Variants in IGF2BP2 observed in about 807,000 individuals in gnomAD.
IGF2BP2 encodes the protein insulin-like growth factor 2 mRNA-binding protein 2.
In IGF2BP2, 17 loss-of-function variants were observed where a neutral mutation model predicts 75.8. The ratio of observed to expected loss-of-function variants is 0.22; its 90% confidence interval spans 0.15 to 0.34. The LOEUF (loss-of-function observed/expected upper bound fraction) is 0.34, where lower values mean the gene tolerates loss of function less well. IGF2BP2 is among the 10% of genes least tolerant of loss of function. The pLI is 1.00. For missense variants in IGF2BP2, 516 were observed against 772.4 expected, an observed-to-expected ratio of 0.67 and a Z score of 3.93; for synonymous variants, 288 against 295.6, an observed-to-expected ratio of 0.97 and a Z score of 0.26.
In IGF2BP2 at chr3:185,727,476, T is replaced by C. The variant is rs115666345; in HGVS notation, c.240-29129A>G. On this transcript the variant is annotated intron_variant, in intron 2 of 15. Coordinates refer to ENST00000382199, the MANE Select transcript of IGF2BP2 (RefSeq NM_006548.6). ...GAACAGTAATTGGATTACTCACAGG[T>C]TGAACAGGTGAACAAAAAGGTAGTG... Among the ~76,000 whole-genome samples the C allele has an allele frequency of 4.5e-3, 682 of 152,086 alleles. 4 individuals are homozygous for C. The highest frequency in any genetic ancestry group is 0.016 in the African/African-American group (652 of 41,476).
intron 2 of IGF2BP2, among the ~76,000 whole-genome samples, chr3:185,819,913 A>G (rs1482210631): frequency 6.6e-6 from 1 of 152,060 alleles, no homozygotes; most frequent in Non-Finnish European, 1.5e-5. Flanking sequence ...GCAAAATACA[A>G]TTGAGATACT....
intron 2 of IGF2BP2, among the ~76,000 whole-genome samples, chr3:185,699,349 T>C (rs1208600355): frequency 1.3e-5 from 2 of 152,216 alleles, no homozygotes; most frequent in Admixed American, 6.5e-5. Context: ...GACCCCAAAG[T>C]GTACCTAGGC....
At chr3:185,753,901 T>G (rs1458437189) in intron 2 of IGF2BP2, among the ~76,000 whole-genome samples, 2 of 152,092 alleles carry the variant, frequency 1.3e-5, no homozygotes, top group Non-Finnish European at 1.5e-5. Flanking sequence ...ATGCAAGATC[T>G]GGTTGTTTAA....
At chr3:185,814,137 A>G (rs1222274816) in intron 2 of IGF2BP2, 1 of 152,142 alleles carries the variant, frequency 6.6e-6, no homozygotes, top group Non-Finnish European at 1.5e-5. Context: ...AGATGTACAC[A>G]TGGTTTAGTC....
intron 2 of IGF2BP2, among the ~76,000 whole-genome samples, chr3:185,719,933 A>T (rs1726253215): frequency 6.6e-6 from 1 of 152,202 alleles, no homozygotes; most frequent in Admixed American, 6.5e-5. Flanking sequence ...AAATGAGAAA[A>T]GCAAGCCACA....
chr3:185,771,798 T>TA (rs1485020075), intron 2 of IGF2BP2, among the ~76,000 whole-genome samples: 1 of 152,188 alleles, frequency 6.6e-6, no homozygotes, highest in African/African-American at 2.4e-5. Context: ...TTGCAACACT[T>TA]AGTCTTGGTA....
rs547632878 is a variant in IGF2BP2 at position 185,647,474 on chromosome 3, A to G, written c.1594-336T>C. ...ACCCCAGGCTTTCCCATACCCCCCC[A>G]CTCCCCACCCCTACCCTGTAAGATC... On this transcript the variant is annotated intron_variant, in intron 14 of 15. Transcript: ENST00000382199. The surrounding 1 kb of genome is among the most constrained non-coding windows in gnomAD (Gnocchi z 4.9). 2.7e-4 allele frequency among the ~76,000 whole-genome samples: 37 copies of G among 137,910 alleles called. No individual in the cohort carries two copies. Among genetic ancestry groups the G allele is most frequent in the Admixed American group, 2.0e-3 (28 of 13,764 alleles). The allele number at this position is 137,910 out of a possible 152,430, so 90.5% of individuals were successfully genotyped here.
In IGF2BP2 at chr3:185,645,806, TC is replaced by T. The variant is rs939153352; in HGVS notation, c.1708-184del. Reference sequence around the variant, plus strand: ...TCTGCCTGGAAGTAAGTGGCAGAGGTCCCCCCTCCACTCCCACCCCAAGGTC... The same window carrying T: ...TCTGCCTGGAAGTAAGTGGCAGAGGTCCCCCTCCACTCCCACCCCAAGGTC... On this transcript the variant is annotated intron_variant, in intron 15 of 15. Coordinates refer to ENST00000382199, the MANE Select transcript of IGF2BP2 (RefSeq NM_006548.6). The surrounding 1 kb of genome is among the most constrained non-coding windows in gnomAD (Gnocchi z 4.9). Among the ~76,000 whole-genome samples the T allele has an allele frequency of 2.0e-5, 3 of 150,184 alleles. No individual in the cohort carries two copies. Among genetic ancestry groups the T allele is most frequent in the Non-Finnish European group, 3.0e-5 (2 of 67,516 alleles).
At chr3:185,759,216 T>C (rs1045470687) in intron 2 of IGF2BP2, among the ~76,000 whole-genome samples, 1 of 152,030 alleles carries the variant, frequency 6.6e-6, no homozygotes, top group Non-Finnish European at 1.5e-5. Flanking sequence ...ATGGAGCAAA[T>C]ACAAATGCCC....
At chr3:185,667,959 T>A (rs1460709521) in intron 10 of IGF2BP2, among the ~76,000 whole-genome samples, 1 of 152,242 alleles carries the variant, frequency 6.6e-6, no homozygotes, top group Non-Finnish European at 1.5e-5. Flanking sequence ...TTCTCAGACA[T>A]AATGCTATTG....
intron 10 of IGF2BP2, among the ~76,000 whole-genome samples, chr3:185,659,473 C>A (rs1485713359): frequency 6.6e-6 from 1 of 151,796 alleles, no homozygotes; most frequent in African/African-American, 2.4e-5. Context: ...CCCGCAGGTT[C>A]AAGCGATTCT....
intron 9 of IGF2BP2, among the ~76,000 whole-genome samples, chr3:185,673,183 C>T (rs1159451570): frequency 6.6e-6 from 1 of 152,230 alleles, no homozygotes; most frequent in African/African-American, 2.4e-5. Context: ...TTCCCTAAGA[C>T]AGCACTCATT....
intron 2 of IGF2BP2, among the ~76,000 whole-genome samples, chr3:185,711,187 T>C (rs1364277786): frequency 6.6e-6 from 1 of 152,226 alleles, no homozygotes; most frequent in Non-Finnish European, 1.5e-5. Flanking sequence ...ACTTTAAATA[T>C]GCAAATTTGA....
chr3:185,762,091 GAA>G (rs1402376274), intron 2 of IGF2BP2, among the ~76,000 whole-genome samples: 1 of 152,026 alleles, frequency 6.6e-6, no homozygotes, highest in Non-Finnish European at 1.5e-5. Flanking sequence ...TTTAGCATGT[GAA>G]AAAGAGACCC....
Position 185,677,068 on chromosome 3 carries a change from T to TATAGAGAGAGAGAGAG in IGF2BP2, c.813-1156_813-1155insCTCTCTCTCTCTCTAT. Among the ~76,000 whole-genome samples the TATAGAGAGAGAGAGAG allele has an allele frequency of 7.5e-4, 27 of 35,864 alleles. 1 individual carries two copies. Among genetic ancestry groups the TATAGAGAGAGAGAGAG allele is most frequent in the African/African-American group, 4.1e-3 (26 of 6,398 alleles). 23.5% of individuals were successfully genotyped at this position (35,864 alleles called of 152,430 possible). On this transcript the variant is annotated intron_variant, in intron 7 of 15. Transcript: ENST00000382199. ...AGATATATATATATATATATATATATAGAGAGAGAGAGAGAGAGAGAGAGA... is the reference window on the plus strand; with the variant it reads ...AGATATATATATATATATATATATATATAGAGAGAGAGAGAGAGAGAGAGAGAGAGAGAGAGAGAGA...
intron 2 of IGF2BP2, among the ~76,000 whole-genome samples, chr3:185,807,523 A>C (rs1739183097): frequency 6.6e-6 from 1 of 152,242 alleles, no homozygotes. Context: ...ATTACTTTTC[A>C]GTATATGCCC....
Position 185,767,858 on chromosome 3 carries a change from T to C in IGF2BP2, c.239+55295A>G, listed in dbSNP as rs144265760. The C allele has an allele frequency of 5.4e-4, 84 of 154,224 alleles. No individual in the cohort carries two copies. In the East Asian group the frequency reaches 0.013, roughly 23 times the overall value. The allele number at this position is 154,224 out of a possible 1,614,324, so 9.6% of individuals were successfully genotyped here. ...TATTTTAGGTTAATGCAAAAGTAAT[T>C]GCAGTTTTTGCCACTGAAAGTAATG... On this transcript the variant is annotated intron_variant, in intron 2 of 15. Coordinates refer to ENST00000382199, the MANE Select transcript of IGF2BP2 (RefSeq NM_006548.6).
chr3:185,747,713 A>T (rs1327795886), intron 2 of IGF2BP2, among the ~76,000 whole-genome samples: 1 of 152,006 alleles, frequency 6.6e-6, no homozygotes, highest in Non-Finnish European at 1.5e-5. Flanking sequence ...GTCCATATAT[A>T]TTGTTCATAT....
At chr3:185,684,435 C>T (rs1577959770) in intron 7 of IGF2BP2, among the ~76,000 whole-genome samples, 1 of 151,388 alleles carries the variant, frequency 6.6e-6, no homozygotes, top group East Asian at 1.9e-4. Context: ...AATGGAGTCT[C>T]GCTCTGTCGC....
Sources: allele counts gnomAD v4.1 joint callset (sites outside exome capture counted in the v4.1 genomes callset), GRCh38; gene constraint gnomAD v4.1.1; non-coding constraint Gnocchi (gnomAD v3.1); transcripts MANE v1.5; gene names NCBI Gene and HGNC (gene_info 2026-07-23, HGNC 2026-07-21).